The following ADARB2 variants were observed in gnomAD, a reference collection of about 807,000 sequenced individuals.
The protein encoded by ADARB2 is inactive double-stranded RNA-specific editase B2.
A neutral mutation model predicts 62.2 loss-of-function variants in ADARB2; 25 were observed. The ratio of observed to expected loss-of-function variants is 0.40; its 90% CI spans 0.29 to 0.56. The LOEUF (loss-of-function observed/expected upper bound fraction) is 0.56. Ranked by LOEUF, ADARB2 falls within the 20% of genes least tolerant of loss-of-function variation. The pLI, the probability that ADARB2 is intolerant of heterozygous loss-of-function variation, is 0.43. For missense variants in ADARB2, 1,071 were observed against 1,077.4 expected (o/e 0.99, Z 0.08); for synonymous variants, 572 against 500.8 (o/e 1.14, Z -1.90).
At chr10:1,643,402 A>G (rs74942634) in intron 1 of ADARB2, among the ~76,000 whole-genome samples, 2 of 152,334 alleles carry the variant, frequency 1.3e-5, no homozygotes, top group Non-Finnish European at 2.9e-5. Context: ...ACTTCCAGTT[A>G]CACTTGACGT....
chr10:1,552,218 T>C (rs1041951803), intron 1 of ADARB2, among the ~76,000 whole-genome samples: 2 of 152,334 alleles, frequency 1.3e-5, no homozygotes, highest in East Asian at 3.9e-4. Flanking sequence ...CCAGGAGCCT[T>C]TCCTTTGCAG....
At chr10:1,259,010 C>T (rs1831107463) in intron 4 of ADARB2, among the ~76,000 whole-genome samples, 1 of 152,198 alleles carries the variant, frequency 6.6e-6, no homozygotes, top group Non-Finnish European at 1.5e-5. Flanking sequence ...CAAAACTGCT[C>T]AACTACATGG....
chr10:1,606,435 CAAGG>C lies in ADARB2; in HGVS notation c.100+130612_100+130615del, dbSNP rs545694566. On this transcript the variant is annotated intron_variant, in intron 1 of 9. Transcript: ENST00000381312. ...CAGGTGAGAGCCCTGCTTCACAGCC[CAAGG>C]AAGGGACGTGGGAAAGGTTTAGGGC... 4.1e-3 allele frequency among the ~76,000 whole-genome samples: 626 copies of C among 152,194 alleles called. 6 individuals carry two copies. The highest frequency in any genetic ancestry group is 6.1e-3 in the Non-Finnish European group (414 of 68,026).
intron 1 of ADARB2, among the ~76,000 whole-genome samples, chr10:1,478,978 A>G (rs1334224443): frequency 1.3e-5 from 2 of 152,178 alleles, no homozygotes; most frequent in Admixed American, 1.3e-4. Flanking sequence ...TCACCAACGA[A>G]TCCAATAGCT....
chr10:1,247,438 C>T (rs1025238961), intron 4 of ADARB2, among the ~76,000 whole-genome samples: 32 of 152,252 alleles, frequency 2.1e-4, no homozygotes, highest in East Asian at 1.2e-3. Flanking sequence ...CCAGTTTTTG[C>T]CCATTCAGTA....
chr10:1,457,210 A>T (rs2131905576), intron 1 of ADARB2, among the ~76,000 whole-genome samples: 1 of 152,378 alleles, frequency 6.6e-6, no homozygotes, highest in South Asian at 2.1e-4. Context: ...GACAACTGGA[A>T]TAAGAAATAA....
At chr10:1,514,610 G>C (rs552333734) in intron 1 of ADARB2, among the ~76,000 whole-genome samples, 1 of 151,962 alleles carries the variant, frequency 6.6e-6, no homozygotes, top group Middle Eastern at 3.4e-3. Flanking sequence ...GCCTCCTATG[G>C]CCTTGGAGTG....
chr10:1,659,659 CCCA>C (rs891763349), intron 1 of ADARB2, among the ~76,000 whole-genome samples: 4 of 152,244 alleles, frequency 2.6e-5, no homozygotes, highest in African/African-American at 9.6e-5. Context: ...CTCGCCTATG[CCCA>C]CATCTGCAGG....
intron 3 of ADARB2, among the ~76,000 whole-genome samples, chr10:1,324,649 G>A (rs1018105724): frequency 6.6e-6 from 1 of 152,168 alleles, no homozygotes; most frequent in Non-Finnish European, 1.5e-5. Flanking sequence ...CATACTGCAT[G>A]ATTGCATTTA....
At chr10:1,229,963 G>T in intron 6 of ADARB2, among the ~76,000 whole-genome samples, 1 of 152,326 alleles carries the variant, frequency 6.6e-6, no homozygotes, top group South Asian at 2.1e-4. Context: ...CTCGATGCAG[G>T]CCAAAGGGGA....
intron 3 of ADARB2, among the ~76,000 whole-genome samples, chr10:1,342,740 T>C (rs998752802): frequency 2.6e-5 from 4 of 152,200 alleles, no homozygotes; most frequent in African/African-American, 9.6e-5. Flanking sequence ...CCTGACTGTA[T>C]TGCAATGGGG....
chr10:1,526,724 A>G (rs1371962282), intron 1 of ADARB2: 2 of 358,606 alleles, frequency 5.6e-6, no homozygotes, highest in African/African-American at 2.2e-5. Context: ...TAAATCACCC[A>G]GCCTCGGGTG....
intron 3 of ADARB2, among the ~76,000 whole-genome samples, chr10:1,345,394 C>T (rs969077286): frequency 1.3e-5 from 2 of 152,200 alleles, no homozygotes; most frequent in East Asian, 3.8e-4. Flanking sequence ...AGAGGCAGAG[C>T]CAGGCTCAAG....
chr10:1,428,771 C>G (rs2805546), intron 1 of ADARB2, among the ~76,000 whole-genome samples: 133,955 of 151,882 alleles, frequency 0.88, 59,410 homozygotes, highest in Middle Eastern at 0.94. Context: ...TGATGGTGGA[C>G]GTACAAGCCT....
intron 1 of ADARB2, among the ~76,000 whole-genome samples, chr10:1,607,479 C>T (rs146086903): frequency 6.6e-5 from 10 of 152,294 alleles, no homozygotes; most frequent in South Asian, 6.2e-4. Context: ...CTGAGACACA[C>T]GTTTGAGCCA....
intron 1 of ADARB2, among the ~76,000 whole-genome samples, chr10:1,605,026 G>A (rs1393803470): frequency 6.6e-6 from 1 of 152,210 alleles, no homozygotes; most frequent in Non-Finnish European, 1.5e-5. Flanking sequence ...TGTAACAGCA[G>A]AATAAACCCA....
chr10:1,466,731 C>G (rs1416126686), intron 1 of ADARB2, among the ~76,000 whole-genome samples: 1 of 152,164 alleles, frequency 6.6e-6, no homozygotes, highest in Non-Finnish European at 1.5e-5. Flanking sequence ...CCAGAAAGCC[C>G]CAAATCAAGT....
At chr10:1,399,322 T>C (rs1832642400) in intron 1 of ADARB2, among the ~76,000 whole-genome samples, 1 of 152,110 alleles carries the variant, frequency 6.6e-6, no homozygotes, top group Non-Finnish European at 1.5e-5. Context: ...AGAGGGATGG[T>C]GTTTTGGGCC....
chr10:1,450,894 G>A lies in ADARB2; in HGVS notation c.101-71734C>T, dbSNP rs527463034. Among the ~76,000 whole-genome samples, 4 of 152,316 alleles carry A rather than the reference G, an allele frequency of 2.6e-5. No homozygotes were observed. The South Asian group carries it at 8.3e-4, about 32-fold the overall frequency. On this transcript the variant is annotated intron_variant, in intron 1 of 9. Coordinates refer to ENST00000381312, the MANE Select transcript of ADARB2 (RefSeq NM_018702.4). ...GAGGGGTGGGAAAGTGGTGACTTTT[G>A]GGTGACCCCACTGGCCCTCACCATA...
Sources: gnomAD v4.1 joint callset for allele counts (sites outside exome capture counted in the v4.1 genomes callset) on GRCh38, gnomAD v4.1.1 for gene constraint, MANE v1.5 for transcripts, NCBI Gene and HGNC (gene_info 2026-07-23, HGNC 2026-07-21) for gene names.